The following PDE3B variants were observed in gnomAD, a reference collection of about 807,000 sequenced individuals.
PDE3B encodes the protein phosphodiesterase 3B, also known as cGMP-inhibited 3',5'-cyclic phosphodiesterase 3B.
A neutral mutation model predicts 116.8 loss-of-function variants in PDE3B; 66 were observed. The observed-to-expected ratio is 0.56, with a 90% CI of 0.46 to 0.69. The LOEUF is 0.69. PDE3B is among the 30% of genes least tolerant of loss of function. The pLI is 0.00. For synonymous variants in PDE3B, 595 were observed against 533.6 expected, an observed-to-expected ratio of 1.12 and a Z score of -1.59; for missense variants, 1,384 against 1,368.1, an observed-to-expected ratio of 1.01 and a Z score of -0.18.
the PDE3B span, chr11:14,892,344 A>C: frequency 1.2e-6 from 1 of 804,078 alleles, no homozygotes; most frequent in African/African-American, 1.7e-5. Context: ...GTGAGCGCTC[A>C]GGCCCCTTCG....
intron 4 of PDE3B, 46 bp from the exon 5 acceptor site, chr11:14,803,898 C>G (rs751587721): frequency 1.3e-5 from 14 of 1,081,528 alleles, no homozygotes; most frequent in Non-Finnish European, 1.9e-5. Context: ...AAAGGTGAAA[C>G]TTTTCCTGTT....
At chr11:14,816,838 G>A (rs1346837453) in intron 5 of PDE3B, among the ~76,000 whole-genome samples, 1 of 152,170 alleles carries the variant, frequency 6.6e-6, no homozygotes, top group Non-Finnish European at 1.5e-5. Context: ...CACTGTTGGT[G>A]GGACTATAAA....
intron 12 of PDE3B, among the ~76,000 whole-genome samples, chr11:14,845,732 G>A (rs910264234): frequency 1.3e-5 from 2 of 152,156 alleles, no homozygotes; most frequent in African/African-American, 4.8e-5. Flanking sequence ...CGGAAGAAAG[G>A]GTTTCGGTGA....
chr11:14,671,564 A>G (rs1004163398), intron 1 of PDE3B, among the ~76,000 whole-genome samples: 4 of 152,144 alleles, frequency 2.6e-5, no homozygotes, highest in Admixed American at 2.6e-4. Context: ...GGTATAATTT[A>G]TGTTTAAAAA....
At chr11:14,802,842 A>G (rs1169226562) in intron 4 of PDE3B, among the ~76,000 whole-genome samples, 1 of 152,266 alleles carries the variant, frequency 6.6e-6, no homozygotes, top group Non-Finnish European at 1.5e-5. Flanking sequence ...TCATATTTGT[A>G]TAGGCAGAAA....
intron 1 of PDE3B, among the ~76,000 whole-genome samples, chr11:14,715,354 A>G (rs923672893): frequency 8.5e-5 from 13 of 152,164 alleles, no homozygotes; most frequent in Non-Finnish European, 7.4e-5. Context: ...CTTGGGCAGT[A>G]TGGCCATTTT....
At chr11:14,655,599 T>G (rs1244274650) in intron 1 of PDE3B, among the ~76,000 whole-genome samples, 2 of 152,200 alleles carry the variant, frequency 1.3e-5, no homozygotes, top group African/African-American at 4.8e-5. Context: ...ATGTGCAGAC[T>G]AGCTCACCAT....
chr11:14,845,602 A>G (rs1399909710), intron 12 of PDE3B, among the ~76,000 whole-genome samples: 1 of 152,198 alleles, frequency 6.6e-6, no homozygotes, highest in Non-Finnish European at 1.5e-5. Context: ...AAAAATTTAG[A>G]AGAATGTATA....
intron 14 of PDE3B, among the ~76,000 whole-genome samples, chr11:14,865,408 A>G (rs1366771760): frequency 6.6e-6 from 1 of 152,162 alleles, no homozygotes; most frequent in Non-Finnish European, 1.5e-5. Flanking sequence ...GGAAAGGTCA[A>G]CATATCTACT....
chr11:14,707,747 G>T (rs1855575999), intron 1 of PDE3B, among the ~76,000 whole-genome samples: 1 of 151,946 alleles, frequency 6.6e-6, no homozygotes, highest in South Asian at 2.1e-4. Context: ...ATTTTACTGA[G>T]AGTGTGGGGT....
chr11:14,651,155 G>A (rs1422389167), intron 1 of PDE3B, among the ~76,000 whole-genome samples: 1 of 152,166 alleles, frequency 6.6e-6, no homozygotes, highest in Non-Finnish European at 1.5e-5. Flanking sequence ...TCTGTTCCAT[G>A]TCTTTCTCCT....
At chr11:14,757,373 G>A (rs1357017224) in intron 1 of PDE3B, among the ~76,000 whole-genome samples, 13 of 149,682 alleles carry the variant, frequency 8.7e-5, no homozygotes, top group African/African-American at 2.0e-4. Context: ...CTGAGGAATC[G>A]CCACACTGAC....
At chr11:14,674,874 T>C (rs1156451585) in intron 1 of PDE3B, among the ~76,000 whole-genome samples, 1 of 152,180 alleles carries the variant, frequency 6.6e-6, no homozygotes, top group African/African-American at 2.4e-5. Flanking sequence ...AAAGAGAGTA[T>C]GTATGAGTCT....
At chr11:14,768,756 A>G (rs1437024720) in intron 1 of PDE3B, among the ~76,000 whole-genome samples, 1 of 151,454 alleles carries the variant, frequency 6.6e-6, no homozygotes, top group East Asian at 1.9e-4. Context: ...ATGCTTTTGT[A>G]AAATACACTA....
intron 12 of PDE3B, among the ~76,000 whole-genome samples, chr11:14,849,679 A>G (rs957309349): frequency 2.0e-5 from 3 of 152,228 alleles, no homozygotes; most frequent in African/African-American, 7.2e-5. Flanking sequence ...TGGGCGAAGG[A>G]CATGAACAGA....
intron 3 of PDE3B, 71 bp downstream of exon 3, chr11:14,786,756 A>G: frequency 8.2e-7 from 1 of 1,226,288 alleles, no homozygotes; most frequent in East Asian, 2.3e-5. Flanking sequence ...TGCTCCTTTA[A>G]ATTCTATATA....
chr11:14,778,414 C>T (rs1590135989), intron 2 of PDE3B, among the ~76,000 whole-genome samples: 1 of 152,330 alleles, frequency 6.6e-6, no homozygotes, highest in East Asian at 1.9e-4. Context: ...GAGGCATCTC[C>T]CAGTAGGGGC....
intron 1 of PDE3B, among the ~76,000 whole-genome samples, chr11:14,729,615 T>C (rs547440180): frequency 9.2e-5 from 14 of 152,234 alleles, no homozygotes; most frequent in Non-Finnish European, 1.6e-4. Flanking sequence ...TGTTGAAACA[T>C]TTGTAAGATC....
At chr11:14,746,333 C>T (rs1350368954) in intron 1 of PDE3B, among the ~76,000 whole-genome samples, 1 of 152,020 alleles carries the variant, frequency 6.6e-6, no homozygotes, top group Non-Finnish European at 1.5e-5. Flanking sequence ...TGCAGTGAGC[C>T]GAGATCGCAC....
Sources: allele counts gnomAD v4.1 joint callset (sites outside exome capture counted in the v4.1 genomes callset), GRCh38; gene constraint gnomAD v4.1.1; transcripts MANE v1.5; gene names NCBI Gene and HGNC (gene_info 2026-07-23, HGNC 2026-07-21).